Variants in HDX observed in about 807,000 individuals in gnomAD.
HDX encodes chromosome X open reading frame 43.
A neutral mutation model predicts 45.2 loss-of-function variants in HDX; 19 were observed. The observed-to-expected ratio is 0.42, with a 90% CI of 0.29 to 0.62. The LOEUF is 0.62. Ranked by LOEUF, HDX falls within the 20% of genes least tolerant of loss-of-function variation. HDX has a pLI of 0.20. For missense variants in HDX, 532 were observed against 493.9 expected (o/e 1.08, Z -0.73); for synonymous variants, 188 against 172.8 (o/e 1.09, Z -0.69).
At chrX:84,450,249 A>C (rs2039967679) in intron 4 of HDX, among the ~76,000 whole-genome samples, 1 of 111,446 alleles carries the variant, frequency 9.0e-6, no homozygotes, top group African/African-American at 3.3e-5. Flanking sequence ...AGACTGGCTA[A>C]ATGGACAACA....
chrX:84,396,738 C>T (rs6653032), intron 5 of HDX, among the ~76,000 whole-genome samples: 10,228 of 110,972 alleles, frequency 0.092, 705 homozygotes, highest in African/African-American at 0.23. Flanking sequence ...TCAGCTGTGG[C>T]AGTATCAGCA....
At chrX:84,456,565 C>T (rs929803912) in intron 4 of HDX, among the ~76,000 whole-genome samples, 1 of 111,243 alleles carries the variant, frequency 9.0e-6, no homozygotes, top group Non-Finnish European at 1.9e-5. Context: ...GGACTAAACT[C>T]TCTAATCAAC....
intron 6 of HDX, among the ~76,000 whole-genome samples, chrX:84,354,863 G>C (rs1267652151): frequency 3.0e-5 from 3 of 99,942 alleles, no homozygotes; most frequent in African/African-American, 1.1e-4. Flanking sequence ...GCATACACTA[G>C]TAAGGTGGAA....
intron 5 of HDX, among the ~76,000 whole-genome samples, chrX:84,372,859 T>G (rs1294310358): frequency 1.8e-5 from 2 of 111,163 alleles, no homozygotes; most frequent in East Asian, 5.6e-4. Flanking sequence ...AAAATGTTTA[T>G]ATAGCAGAAA....
intron 4 of HDX, among the ~76,000 whole-genome samples, chrX:84,459,927 G>T (rs764890038): frequency 1.8e-5 from 2 of 110,825 alleles, no homozygotes; most frequent in South Asian, 7.6e-4. Context: ...CCAATAACTT[G>T]GAAAACCTAA....
chrX:84,428,727 T>A (rs1297268698), intron 5 of HDX, among the ~76,000 whole-genome samples: 5 of 110,962 alleles, frequency 4.5e-5, no homozygotes, highest in African/African-American at 1.6e-4. Flanking sequence ...TACATTCTAA[T>A]TTATCAATTT....
chrX:84,491,133 C>G (rs2040885540), intron 1 of HDX, among the ~76,000 whole-genome samples: 1 of 111,560 alleles, frequency 9.0e-6, no homozygotes, highest in Non-Finnish European at 1.9e-5. Flanking sequence ...TAATTTTCTT[C>G]TACTTCCCAC....
intron 5 of HDX, among the ~76,000 whole-genome samples, chrX:84,373,702 T>G: frequency 9.0e-6 from 1 of 111,111 alleles, no homozygotes; most frequent in Non-Finnish European, 1.9e-5. Flanking sequence ...TTGACAAAAT[T>G]CAACAACTCT....
At chrX:84,373,608 G>T (rs922905821) in intron 5 of HDX, among the ~76,000 whole-genome samples, 2 of 110,530 alleles carry the variant, frequency 1.8e-5, no homozygotes, top group African/African-American at 3.3e-5. Flanking sequence ...TTTAATATAC[G>T]CAAATCAACA....
intron 8 of HDX, among the ~76,000 whole-genome samples, chrX:84,336,113 C>T (rs1316547391): frequency 4.5e-5 from 5 of 110,577 alleles, no homozygotes; most frequent in Non-Finnish European, 9.5e-5. Flanking sequence ...ATATCTGACT[C>T]TTAATACCAT....
intron 5 of HDX, among the ~76,000 whole-genome samples, chrX:84,433,428 C>T (rs2039549925): frequency 9.0e-6 from 1 of 111,600 alleles, no homozygotes; most frequent in Non-Finnish European, 1.9e-5. Flanking sequence ...TTTTCCATCA[C>T]CATTTATAGA....
chrX:84,340,002 G>T (rs140506905), intron 7 of HDX, among the ~76,000 whole-genome samples: 1 of 111,141 alleles, frequency 9.0e-6, no homozygotes, highest in Non-Finnish European at 1.9e-5. Flanking sequence ...TGGGAGGGGT[G>T]AGCTCAGGTA....
intron 5 of HDX, among the ~76,000 whole-genome samples, chrX:84,397,515 G>A (rs1306575898): frequency 9.0e-6 from 1 of 111,254 alleles, no homozygotes; most frequent in East Asian, 2.9e-4. Flanking sequence ...CGGTAGAAAG[G>A]TGGACTGCTG....
intron 4 of HDX, among the ~76,000 whole-genome samples, chrX:84,458,226 C>T (rs1222572417): frequency 1.8e-5 from 2 of 109,868 alleles, no homozygotes; most frequent in Non-Finnish European, 3.8e-5. Context: ...GTCTTAAAGG[C>T]TAGATTAAAA....
intron 7 of HDX, among the ~76,000 whole-genome samples, chrX:84,342,673 T>A (rs959788280): frequency 3.6e-5 from 4 of 110,990 alleles, no homozygotes; most frequent in Non-Finnish European, 7.6e-5. Flanking sequence ...GATGTATTCA[T>A]ACATCTTAAA....
chrX:84,465,591 G>T (rs923807307), intron 4 of HDX, among the ~76,000 whole-genome samples: 2 of 111,886 alleles, frequency 1.8e-5, no homozygotes, highest in South Asian at 3.7e-4. Context: ...AACACTGCAT[G>T]TTCTCACTCT....
chrX:84,494,470 T>C (rs747815115), intron 1 of HDX, among the ~76,000 whole-genome samples: 28 of 112,029 alleles, frequency 2.5e-4, no homozygotes, highest in Admixed American at 1.1e-3. Context: ...CACAAAGAGA[T>C]AGACTATTTA....
At chrX:84,398,111 T>C (rs772856732) in intron 5 of HDX, among the ~76,000 whole-genome samples, 9 of 109,306 alleles carry the variant, frequency 8.2e-5, no homozygotes, top group Non-Finnish European at 1.5e-4. Context: ...TATATATATA[T>C]ACACACACAC....
At chrX:84,472,677 G>C (rs1453992498) in intron 3 of HDX, among the ~76,000 whole-genome samples, 1 of 111,286 alleles carries the variant, frequency 9.0e-6, no homozygotes, top group African/African-American at 3.3e-5. Context: ...CAAGTTGTGA[G>C]TATTATTATT....
Sources: allele counts gnomAD v4.1 joint callset (sites outside exome capture counted in the v4.1 genomes callset), GRCh38; gene constraint gnomAD v4.1.1; transcripts MANE v1.5; gene names NCBI Gene and HGNC (gene_info 2026-07-23, HGNC 2026-07-21).